Variants in PPFIA4 observed in about 807,000 individuals in gnomAD.
PPFIA4 encodes liprin-alpha-4.
A neutral mutation model predicts 145.7 loss-of-function variants in PPFIA4; 98 were observed. The observed-to-expected ratio is 0.67, with a 90% CI of 0.57 to 0.80. The LOEUF is 0.80. Ranked by LOEUF, PPFIA4 falls within the 30% of genes least tolerant of loss-of-function variation. PPFIA4 has a pLI of 0.00. For missense variants in PPFIA4, 1,457 were observed against 1,632.7 expected (o/e 0.89, Z 1.85); for synonymous variants, 628 against 649.6 (o/e 0.97, Z 0.51).
At chr1:203,040,246 G>C (rs956369305) in intron 2 of PPFIA4, among the ~76,000 whole-genome samples, 1 of 152,154 alleles carries the variant, frequency 6.6e-6, no homozygotes, top group Admixed American at 6.5e-5. Context: ...TCTGCCCCTC[G>C]TATGAGCAGA....
rs527587935 is a variant in PPFIA4 at position 203,050,010 on chromosome 1, G to A, written c.1511+243G>A. On this transcript the variant is annotated intron_variant, in intron 13 of 29. Transcript: ENST00000295706. The stretch of plus-strand genomic sequence containing the variant: ...ATCAGACAGCCAGTGCTCTGTCCCC[G>A]CTGTGGTAGGACATAGGCCATGATT... Among the ~76,000 whole-genome samples the A allele has an allele frequency of 5.3e-5, 8 of 152,334 alleles. No individual in the cohort carries two copies. In the South Asian group the frequency reaches 8.3e-4, roughly 16 times the overall value.
At chr1:203,067,064 A>T (rs978162308) in intron 25 of PPFIA4, among the ~76,000 whole-genome samples, 4 of 152,174 alleles carry the variant, frequency 2.6e-5, no homozygotes, top group African/African-American at 9.7e-5. Context: ...AGAAGGTGAC[A>T]TTTAAGCAAA....
intron 1 of PPFIA4, among the ~76,000 whole-genome samples, chr1:203,037,564 TTG>T (rs1349875784): frequency 1.3e-5 from 2 of 152,182 alleles, no homozygotes; most frequent in Non-Finnish European, 2.9e-5. Flanking sequence ...TGGAATCTGA[TTG>T]TAGGCAGAGA....
chr1:203,051,099 A>C (rs1660472543), intron 13 of PPFIA4: 4 of 974,770 alleles, frequency 4.1e-6, no homozygotes, highest in Non-Finnish European at 3.7e-6. Flanking sequence ...AGGAAGTATC[A>C]CTAGGGGAGG....
chr1:203,030,542 C>G (rs1658746699), intron 1 of PPFIA4, among the ~76,000 whole-genome samples: 2 of 152,146 alleles, frequency 1.3e-5, no homozygotes, highest in South Asian at 4.1e-4. Context: ...TGGGATGGCC[C>G]CAGTTCCATG....
intron 19 of PPFIA4, 136 bp downstream of exon 19, chr1:203,057,086 T>G (rs10753933): frequency 0.53 from 787,687 of 1,480,906 alleles, 213,259 homozygotes; most frequent in South Asian, 0.56. Flanking sequence ...ACCTCAGATC[T>G]GCAGAAGCAG....
At chr1:203,026,984 G>A (rs1339219541) in intron 1 of PPFIA4, among the ~76,000 whole-genome samples, 1 of 152,192 alleles carries the variant, frequency 6.6e-6, no homozygotes, top group Non-Finnish European at 1.5e-5. Flanking sequence ...CAGAAAAAGC[G>A]CCTCTCGGCT....
intron 2 of PPFIA4, among the ~76,000 whole-genome samples, chr1:203,042,776 ACC>A (rs10577146): frequency 0.7 from 106,773 of 151,782 alleles, 38,658 homozygotes; most frequent in East Asian, 0.81. Flanking sequence ...AGCTGGAATT[ACC>A]CAGGTGTGCG....
In PPFIA4 at chr1:203,075,636, G is replaced by A; in HGVS notation, c.3453G>A (p.Glu1151=). 6.7e-7 allele frequency: 1 copy of A among 1,496,370 alleles called. No individual in the cohort carries two copies. Among genetic ancestry groups the A allele is most frequent in the Non-Finnish European group, 8.9e-7 (1 of 1,121,486 alleles). 92.7% of individuals were successfully genotyped at this position (1,496,370 alleles called of 1,614,324 possible). The part of the protein sequence containing the change: ...PSWRKRFRPR[E]HHGRGGMLSA... ...GGAGGAAGCGCTTCCGGCCGCGGGA[G>A]CACCACGGTCGCGGCGGCATGCTCA... The change falls in exon 29 of 30, where the codon GAG becomes GAA. Residue 1151 remains glutamate, a synonymous_variant. Coordinates refer to ENST00000295706, the MANE Select transcript of PPFIA4 (RefSeq NM_001304331.2). This position sits in a 1 kb window ranked among gnomAD's most constrained non-coding sequence, Gnocchi z 4.1.
Position 203,060,270 on chromosome 1 carries a change from G to C in PPFIA4, c.2637G>C (p.Lys879Asn), listed in dbSNP as rs754643246. 6.2e-7 allele frequency: 1 copy of C among 1,614,170 alleles called. No individual in the cohort carries two copies. Among genetic ancestry groups the C allele is most frequent in the Non-Finnish European group, 8.5e-7 (1 of 1,179,998 alleles). Residue 879 changes from lysine (K) to asparagine (N), a missense_variant, in exon 22 of 30, where the codon AAG becomes AAC. Lys to Asn is a moderately conservative substitution (Grantham distance 94, BLOSUM62 0). Transcript: ENST00000295706. The surrounding 1 kb of genome is among the most constrained non-coding windows in gnomAD (Gnocchi z 4.8). Reference sequence around the variant, plus strand: ...TGGCAGCCTGCCGGGCCAACGTCAAGAGTGGTGCCATCATGTCCGCTCTGT... The same window carrying C: ...TGGCAGCCTGCCGGGCCAACGTCAACAGTGGTGCCATCATGTCCGCTCTGT... Reference protein sequence around the residue: ...WYVAACRANVKSGAIMSALSD... With the variant: ...WYVAACRANVNSGAIMSALSD...
chr1:203,060,097 A>C lies in PPFIA4; in HGVS notation c.2584-120A>C. ...GGGGTTTGATGACCGCCACATTCCT[A>C]TGATCTGTATTTGCTATTCGAGTCC... On this transcript the variant is annotated intron_variant, in intron 21 of 29. Coordinates refer to ENST00000295706, the MANE Select transcript of PPFIA4 (RefSeq NM_001304331.2). This position sits in a 1 kb window ranked among gnomAD's most constrained non-coding sequence, Gnocchi z 4.8. 1 of 955,432 alleles carries C rather than the reference A, an allele frequency of 1.0e-6. No homozygotes were observed. Among genetic ancestry groups the C allele is most frequent in the South Asian group, 1.6e-5 (1 of 63,430 alleles). The allele number at this position is 955,432 out of a possible 1,614,324, so 59.2% of individuals were successfully genotyped here.
chr1:203,060,407 C>T lies in PPFIA4; in HGVS notation c.2774C>T (p.Thr925Ile). 1 of 1,613,326 alleles carries T rather than the reference C, an allele frequency of 6.2e-7. No homozygotes were observed. The highest frequency in any genetic ancestry group is 8.5e-7 in the Non-Finnish European group (1 of 1,179,888). Residue 925 changes from threonine to isoleucine, a missense_variant, in exon 22 of 30, where the codon ACC becomes ATC. This residue lies in a region of PPFIA4 where 848 missense variants were observed against 1,046.7 expected (regional missense o/e 0.81). Transcript: ENST00000295706. The surrounding 1 kb of genome is among the most constrained non-coding windows in gnomAD (Gnocchi z 4.8). Reference protein sequence around the residue: ...VSLTSPSAPPTSRTSSGNVWV... With the variant: ...VSLTSPSAPPISRTSSGNVWV... Reference sequence around the variant, plus strand: ...TTGACCAGCCCCTCTGCCCCACCCACCTCCAGGACTGTGAGTGGCCCCTCC... The same window carrying T: ...TTGACCAGCCCCTCTGCCCCACCCATCTCCAGGACTGTGAGTGGCCCCTCC...
intron 2 of PPFIA4, among the ~76,000 whole-genome samples, chr1:203,040,047 T>G (rs928804353): frequency 8.5e-5 from 13 of 152,230 alleles, no homozygotes; most frequent in African/African-American, 3.1e-4. Flanking sequence ...TTGGTAGATA[T>G]TCCAGGCATG....
At chr1:203,046,667 T>C (rs906014040) in intron 9 of PPFIA4, among the ~76,000 whole-genome samples, 4 of 151,494 alleles carry the variant, frequency 2.6e-5, no homozygotes, top group African/African-American at 9.7e-5. Flanking sequence ...TTTTCTTTTT[T>C]TTTTTTTTTA....
chr1:203,071,239 G>A (rs1330588675), intron 27 of PPFIA4, among the ~76,000 whole-genome samples: 1 of 147,148 alleles, frequency 6.8e-6, no homozygotes, highest in Non-Finnish European at 1.5e-5. Context: ...GTGCCATTTC[G>A]GCTCACTGCA....
Position 203,075,866 on chromosome 1 carries a change from C to T in PPFIA4, c.3574+109C>T. Reference sequence around the variant, plus strand: ...GAGGGGCGAGGCCGAGGCTGGTGCCCCGCGCTCCTGCGCTGCAGCTGCACT... The same window carrying T: ...GAGGGGCGAGGCCGAGGCTGGTGCCTCGCGCTCCTGCGCTGCAGCTGCACT... On this transcript the variant is annotated intron_variant, in intron 29 of 29. Coordinates refer to ENST00000295706, the MANE Select transcript of PPFIA4 (RefSeq NM_001304331.2). This position sits in a 1 kb window ranked among gnomAD's most constrained non-coding sequence, Gnocchi z 4.1. 1 of 1,132,800 alleles carries T rather than the reference C, an allele frequency of 8.8e-7. No individual in the cohort carries two copies. The highest frequency in any genetic ancestry group is 2.4e-5 in the South Asian group (1 of 41,822). 70.2% of individuals were successfully genotyped at this position (1,132,800 alleles called of 1,614,324 possible).
chr1:203,059,068 G>A, intron 19 of PPFIA4, 110 bp from the exon 20 acceptor site: 1 of 806,042 alleles, frequency 1.2e-6, no homozygotes, highest in Non-Finnish European at 2.1e-6. Context: ...GTCAGGCCAT[G>A]GGTTGTCCTC....
rs551510983 is a variant in PPFIA4 at position 203,048,338 on chromosome 1, C to T, written c.1224+28C>T. The stretch of plus-strand genomic sequence containing the variant: ...GAGGGCACCAGGCCGGGCCCTCAGG[C>T]CCCCTCCTTCCCGCAGGACAGGCTC... On this transcript the variant is annotated intron_variant, in intron 10 of 29. Coordinates refer to ENST00000295706, the MANE Select transcript of PPFIA4 (RefSeq NM_001304331.2). The surrounding 1 kb of genome is among the most constrained non-coding windows in gnomAD (Gnocchi z 5.8). 1.4e-4 allele frequency: 223 copies of T among 1,603,136 alleles called. No individual in the cohort carries two copies. Among genetic ancestry groups the T allele is most frequent in the Middle Eastern group, 8.5e-4 (5 of 5,852 alleles).
At position 203,048,858 on chromosome 1, in the gene PPFIA4, G is replaced by A; in HGVS notation, c.1357-60G>A. 1 of 1,539,174 alleles carries A rather than the reference G, an allele frequency of 6.5e-7. No homozygotes were observed. Among genetic ancestry groups the A allele is most frequent in the Non-Finnish European group, 8.8e-7 (1 of 1,140,182 alleles). On this transcript the variant is annotated intron_variant, in intron 11 of 29. Coordinates refer to ENST00000295706, the MANE Select transcript of PPFIA4 (RefSeq NM_001304331.2). This position sits in a 1 kb window ranked among gnomAD's most constrained non-coding sequence, Gnocchi z 5.8. ...GTGGGGCTGAGACTGCACACCCAGA[G>A]GCTCAGGTCTGGAATGGGAGAGGAA...
Sources: gnomAD v4.1 joint callset for allele counts (sites outside exome capture counted in the v4.1 genomes callset) on GRCh38, gnomAD v4.1.1 for gene constraint, gnomAD v4.1.1 regional missense constraint, Gnocchi (gnomAD v3.1) non-coding constraint, MANE v1.5 for transcripts, NCBI Gene and HGNC (gene_info 2026-07-23, HGNC 2026-07-21) for gene names.